The following TRMT11 variants were observed in gnomAD, a reference collection of about 807,000 sequenced individuals.
TRMT11 encodes tRNA methyltransferase 11, also known as tRNA (guanine(10)-N(2))-methyltransferase TRMT11.
In TRMT11, 53 loss-of-function variants were observed where a neutral mutation model predicts 62.8. The ratio of observed to expected loss-of-function variants is 0.84; its 90% CI spans 0.68 to 1.06. The LOEUF is 1.06. TRMT11 is among the 50% of genes least tolerant of loss of function. The probability of loss-of-function intolerance (pLI) is 0.00; values close to 1 mark genes in which losing one functional copy is unlikely to be tolerated. For missense variants in TRMT11, 556 were observed against 553.4 expected, an observed-to-expected ratio of 1.00 and a Z score of -0.05; for synonymous variants, 188 against 190.3, an observed-to-expected ratio of 0.99 and a Z score of 0.10.
intron 21 of TRMT11, among the ~76,000 whole-genome samples, chr6:126,124,776 C>T (rs1438006293): frequency 6.6e-6 from 1 of 152,086 alleles, no homozygotes; most frequent in Non-Finnish European, 1.5e-5. Flanking sequence ...GGATCCACCT[C>T]CTAGCCAATC....
At chr6:126,239,933 C>G in the TRMT11 span, among the ~76,000 whole-genome samples, 1 of 152,036 alleles carries the variant, frequency 6.6e-6, no homozygotes, top group Non-Finnish European at 1.5e-5. Flanking sequence ...TTCTAAACTT[C>G]TCTTCTTGCT....
the TRMT11 span, among the ~76,000 whole-genome samples, chr6:126,220,452 A>G: frequency 6.6e-6 from 1 of 152,180 alleles, no homozygotes; most frequent in Non-Finnish European, 1.5e-5. Context: ...AGACATTTCC[A>G]TTCTAGGAAA....
At chr6:126,066,904 C>T (rs1776708197) in intron 17 of TRMT11, among the ~76,000 whole-genome samples, 1 of 150,982 alleles carries the variant, frequency 6.6e-6, no homozygotes, top group South Asian at 2.1e-4. Context: ...GGGCAACTGA[C>T]CAACTTCATT....
chr6:126,124,311 A>C (rs1777683884), intron 21 of TRMT11, among the ~76,000 whole-genome samples: 1 of 152,008 alleles, frequency 6.6e-6, no homozygotes. Context: ...CTTAGGTTGG[A>C]TGGCAGTATT....
At chr6:126,146,465 A>C (rs1316546968) in intron 21 of TRMT11, among the ~76,000 whole-genome samples, 2 of 152,128 alleles carry the variant, frequency 1.3e-5, no homozygotes, top group Non-Finnish European at 2.9e-5. Flanking sequence ...TGATATGTTT[A>C]ATGAGGTTTT....
chr6:125,990,873 A>T (rs1052128886), intron 1 of TRMT11, among the ~76,000 whole-genome samples: 1 of 152,086 alleles, frequency 6.6e-6, no homozygotes, highest in Non-Finnish European at 1.5e-5. Flanking sequence ...TGTTGGTTCT[A>T]CTAGACCATA....
intron 7 of TRMT11, among the ~76,000 whole-genome samples, chr6:126,001,989 C>T (rs572118219): frequency 3.4e-4 from 51 of 152,070 alleles, no homozygotes; most frequent in Middle Eastern, 3.4e-3. Context: ...GTGATTTGCC[C>T]AGTGAGAGCT....
intron 17 of TRMT11, among the ~76,000 whole-genome samples, chr6:126,056,863 C>T (rs937507619): frequency 2.0e-5 from 3 of 152,148 alleles, no homozygotes; most frequent in African/African-American, 7.2e-5. Context: ...AAGCAAAGAA[C>T]GGTGATAACG....
At chr6:126,211,400 A>G in the TRMT11 span, among the ~76,000 whole-genome samples, 2 of 152,242 alleles carry the variant, frequency 1.3e-5, no homozygotes, top group East Asian at 3.9e-4. Flanking sequence ...AAGCCAGCTA[A>G]TCCATCATTT....
chr6:126,021,457 G>A lies in TRMT11; in HGVS notation c.1260+177G>A, dbSNP rs551061609. Among the ~76,000 whole-genome samples the A allele has an allele frequency of 2.6e-5, 4 of 152,282 alleles. No homozygotes were observed. The East Asian group carries it at 7.7e-4, about 29-fold the overall frequency. ...TTGTGGCATCCAGTTGGGATTGAAG[G>A]GTAGGAGTTGGATATAGACATAGAC... On this transcript the variant is annotated intron_variant, in intron 12 of 12. Coordinates refer to ENST00000334379, the MANE Select transcript of TRMT11 (RefSeq NM_001031712.3).
chr6:125,992,704 TCAG>T (rs1790819815), intron 1 of TRMT11, among the ~76,000 whole-genome samples: 1 of 152,194 alleles, frequency 6.6e-6, no homozygotes, highest in Non-Finnish European at 1.5e-5. Flanking sequence ...GAGCTGAAAA[TCAG>T]ATTATGGTCT....
chr6:126,019,253 C>T (rs879897585), intron 11 of TRMT11, among the ~76,000 whole-genome samples: 1 of 152,068 alleles, frequency 6.6e-6, no homozygotes, highest in African/African-American at 2.4e-5. Context: ...AATTAATTGG[C>T]TCATTAATAT....
chr6:126,024,089 G>A (rs1796205426), intron 12 of TRMT11, among the ~76,000 whole-genome samples: 1 of 152,124 alleles, frequency 6.6e-6, no homozygotes, highest in Non-Finnish European at 1.5e-5. Context: ...TTCTTTATAG[G>A]TCTTGATTCT....
At chr6:126,163,017 T>C (rs1260444885) in intron 21 of TRMT11, among the ~76,000 whole-genome samples, 1 of 152,152 alleles carries the variant, frequency 6.6e-6, no homozygotes, top group African/African-American at 2.4e-5. Context: ...GAGACAATTT[T>C]ACTTCCTCTC....
the TRMT11 span, among the ~76,000 whole-genome samples, chr6:126,241,143 C>T: frequency 6.6e-6 from 1 of 152,236 alleles, no homozygotes; most frequent in South Asian, 2.1e-4. Context: ...AATTCCCTGA[C>T]CCCTTGCCCT....
chr6:126,060,841 A>G (rs1266889420), intron 17 of TRMT11, among the ~76,000 whole-genome samples: 1 of 152,234 alleles, frequency 6.6e-6, no homozygotes, highest in Admixed American at 6.5e-5. Flanking sequence ...AACACAACAT[A>G]GACTACTTGT....
chr6:126,132,706 G>A (rs1027296269), intron 21 of TRMT11, among the ~76,000 whole-genome samples: 1 of 151,962 alleles, frequency 6.6e-6, no homozygotes, highest in Non-Finnish European at 1.5e-5. Flanking sequence ...ATGACACCAC[G>A]ACTGTTTTTA....
At chr6:126,051,256 T>C (rs1358437429) in intron 16 of TRMT11, among the ~76,000 whole-genome samples, 1 of 152,176 alleles carries the variant, frequency 6.6e-6, no homozygotes, top group Admixed American at 6.5e-5. Context: ...TTAGCCAGGT[T>C]AAGCTGGGGA....
chr6:126,231,604 T>C, the TRMT11 span, among the ~76,000 whole-genome samples: 3 of 152,288 alleles, frequency 2.0e-5, no homozygotes, highest in East Asian at 5.8e-4. Flanking sequence ...CCTTACATCC[T>C]TCAAGAGTCA....
Sources: gnomAD v4.1 joint callset for allele counts (sites outside exome capture counted in the v4.1 genomes callset) on GRCh38, gnomAD v4.1.1 for gene constraint, MANE v1.5 for transcripts, NCBI Gene and HGNC (gene_info 2026-07-23, HGNC 2026-07-21) for gene names.